TEX11: variants seen among roughly 807,000 people sequenced by gnomAD.
TEX11 encodes testis expressed 11.
Under a neutral mutation model 84.4 loss-of-function variants are expected in TEX11, and 7 were observed. That is an observed-to-expected ratio of 0.08 (90% CI 0.05 to 0.16). The LOEUF (loss-of-function observed/expected upper bound fraction) is 0.16. TEX11 is among the 10% of genes least tolerant of loss of function. TEX11 has a pLI of 1.00. For synonymous variants in TEX11, 264 were observed against 222.8 expected (o/e 1.18, Z -1.64); for missense variants, 551 against 660.5 (o/e 0.83, Z 1.82).
intron 24 of TEX11, among the ~76,000 whole-genome samples, chrX:70,593,449 C>A (rs73542407): frequency 0.05 from 5,617 of 111,715 alleles, 287 homozygotes; most frequent in African/African-American, 0.15. Context: ...TTATCTAAAA[C>A]GTCCAGTTTT....
intron 20 of TEX11, 108 bp downstream of exon 20, chrX:70,623,842 G>T: frequency 4.6e-6 from 3 of 650,276 alleles, no homozygotes; most frequent in South Asian, 4.3e-5. Flanking sequence ...CCCAAAACCT[G>T]TATTGATCTT....
At chrX:70,681,898 GT>G (rs1221760534) in intron 14 of TEX11, among the ~76,000 whole-genome samples, 9 of 111,474 alleles carry the variant, frequency 8.1e-5, no homozygotes, top group African/African-American at 2.9e-4. Context: ...TAATGACTTT[GT>G]TTTTATAGAA....
rs1243828083 is a variant in TEX11, at chrX:70,552,341, C to A, written c.2400-95G>T. 2.9e-6 allele frequency: 3 copies of A among 1,046,482 alleles called. No individual in the cohort carries two copies. The African/African-American group carries it at 5.7e-5, about 20-fold the overall frequency. 86.2% of individuals were successfully genotyped at this position (1,046,482 alleles called of 1,213,427 possible). The stretch of plus-strand genomic sequence containing the variant: ...AAACCTGGATCTCATCCCAGACTAA[C>A]AGCTTCAAAACACTTCTGTTCTTCC... On this transcript the variant is annotated intron_variant, in intron 27 of 29. Coordinates refer to ENST00000374333, the MANE Select transcript of TEX11 (RefSeq NM_031276.3).
intron 28 of TEX11, 54 bp from the exon 29 acceptor site, chrX:70,530,053 C>T: frequency 1.9e-6 from 2 of 1,029,706 alleles, no homozygotes; most frequent in African/African-American, 1.8e-5. Flanking sequence ...TTCATTGTGG[C>T]ACTACCTGTA....
chrX:70,770,772 C>G (rs1055680063), intron 9 of TEX11, among the ~76,000 whole-genome samples: 1 of 110,800 alleles, frequency 9.0e-6, no homozygotes, highest in Non-Finnish European at 1.9e-5. Flanking sequence ...AACCTAAGCA[C>G]TATGAATTTA....
At chrX:70,806,499 TGAAG>T (rs1335905682) in intron 9 of TEX11, among the ~76,000 whole-genome samples, 3 of 105,797 alleles carry the variant, frequency 2.8e-5, no homozygotes, top group Non-Finnish European at 2.0e-5. Flanking sequence ...AAAGAAAGAA[TGAAG>T]GAAGGAAGGA....
chrX:70,729,429 G>C (rs1266708710), intron 11 of TEX11, among the ~76,000 whole-genome samples: 1 of 111,272 alleles, frequency 9.0e-6, no homozygotes, highest in African/African-American at 3.3e-5. Context: ...TAGACGAATG[G>C]CTAACTAGAA....
intron 7 of TEX11, among the ~76,000 whole-genome samples, chrX:70,839,919 A>C (rs981540026): frequency 9.0e-6 from 1 of 111,321 alleles, no homozygotes; most frequent in Non-Finnish European, 1.9e-5. Flanking sequence ...GCGAGAAGAG[A>C]AGTTTAGAGA....
At chrX:70,569,751 G>A (rs2088560448) in intron 25 of TEX11, among the ~76,000 whole-genome samples, 1 of 111,370 alleles carries the variant, frequency 9.0e-6, no homozygotes, top group African/African-American at 3.3e-5. Context: ...GCTGCTGTCT[G>A]ATCGTTCCGC....
At chrX:70,833,877 T>C (rs914128850) in intron 7 of TEX11, among the ~76,000 whole-genome samples, 4 of 111,686 alleles carry the variant, frequency 3.6e-5, no homozygotes, top group African/African-American at 1.3e-4. Flanking sequence ...TACTATGACA[T>C]AATGCCAGGT....
chrX:70,812,222 TG>T lies in TEX11; in HGVS notation c.607-5433del, dbSNP rs201389461. 3.7e-5 allele frequency among the ~76,000 whole-genome samples: 4 copies of T among 109,566 alleles called. No homozygotes were observed. In the South Asian group the frequency reaches 1.2e-3, roughly 33 times the overall value. ...CATCTTGAATTAATTTTTTTTTTTT[TG>T]AGACGGAGTCTCACTCTGTCACCCA... On this transcript the variant is annotated intron_variant, in intron 8 of 29. Coordinates refer to ENST00000374333, the MANE Select transcript of TEX11 (RefSeq NM_031276.3).
intron 7 of TEX11, among the ~76,000 whole-genome samples, chrX:70,844,800 T>C (rs2091469496): frequency 9.2e-6 from 1 of 109,172 alleles, no homozygotes; most frequent in African/African-American, 3.3e-5. Flanking sequence ...CCAGCAGTGG[T>C]GGTGTGCGCC....
chrX:70,653,416 T>C (rs1201977600), intron 16 of TEX11, among the ~76,000 whole-genome samples: 2 of 112,389 alleles, frequency 1.8e-5, no homozygotes, highest in South Asian at 3.7e-4. Flanking sequence ...AATATGCAGA[T>C]GGCAAATAAG....
At chrX:70,691,376 G>A (rs1363577209) in intron 13 of TEX11, among the ~76,000 whole-genome samples, 2 of 112,053 alleles carry the variant, frequency 1.8e-5, no homozygotes, top group African/African-American at 3.2e-5. Context: ...CATATTCATA[G>A]CATTATTCAC....
At chrX:70,787,180 A>G (rs1280943256) in intron 9 of TEX11, among the ~76,000 whole-genome samples, 1 of 112,105 alleles carries the variant, frequency 8.9e-6, no homozygotes, top group East Asian at 2.8e-4. Flanking sequence ...TTTTTTCATT[A>G]TAAAACTCTC....
rs756035010 is a variant in TEX11 at position 70,722,589 on chromosome X, C to T, written c.1004+29G>A. The T allele has an allele frequency of 3.4e-6, 4 of 1,160,334 alleles. No homozygotes were observed. In the South Asian group the frequency reaches 7.5e-5, roughly 22 times the overall value. On this transcript the variant is annotated intron_variant, in intron 13 of 29. Transcript: ENST00000374333. Reference sequence around the variant, plus strand: ...TGGTGCCTAGCCAAAAACTGTCAGTCTTTAGAGAAAGGGAAATCAATTCTG... The same window carrying T: ...TGGTGCCTAGCCAAAAACTGTCAGTTTTTAGAGAAAGGGAAATCAATTCTG...
intron 28 of TEX11, among the ~76,000 whole-genome samples, chrX:70,546,402 T>C (rs769255543): frequency 1.8e-5 from 2 of 111,614 alleles, no homozygotes; most frequent in African/African-American, 6.5e-5. Context: ...TTGGACTTCA[T>C]CAAAATTAAA....
At chrX:70,680,522 A>AT (rs1405441525) in intron 14 of TEX11, among the ~76,000 whole-genome samples, 1 of 91,265 alleles carries the variant, frequency 1.1e-5, no homozygotes, top group Non-Finnish European at 2.1e-5. Flanking sequence ...TCCCTCCACT[A>AT]TTGTCCTGTG....
At chrX:70,876,392 TTG>T (rs898020379) in intron 3 of TEX11, among the ~76,000 whole-genome samples, 3 of 111,867 alleles carry the variant, frequency 2.7e-5, no homozygotes, top group African/African-American at 9.7e-5. Flanking sequence ...TTTTCTCATA[TTG>T]TGTTAGAAAG....
Sources: allele counts gnomAD v4.1 joint callset (sites outside exome capture counted in the v4.1 genomes callset), GRCh38; gene constraint gnomAD v4.1.1; transcripts MANE v1.5; gene names NCBI Gene and HGNC (gene_info 2026-07-23, HGNC 2026-07-21).